Variants in FGF14 observed in about 807,000 individuals in gnomAD.
The protein encoded by FGF14 is fibroblast growth factor homologous factor 4.
FGF14 carries 5 observed loss-of-function variants against 25.5 expected under a neutral mutation model. That is an observed-to-expected ratio of 0.20 (90% CI 0.10 to 0.41). FGF14 has a LOEUF of 0.41. Among genes scored for constraint, FGF14 ranks in the 10% least tolerant of loss-of-function variants. The pLI is 1.00. For missense variants in FGF14, 222 were observed against 320.1 expected (o/e 0.69, Z 2.34); for synonymous variants, 138 against 118.3 (o/e 1.17, Z -1.08).
chr13:101,739,379 G>A (rs535499075), intron 3 of FGF14, among the ~76,000 whole-genome samples: 18 of 152,112 alleles, frequency 1.2e-4, no homozygotes, highest in African/African-American at 4.3e-4. Flanking sequence ...ACAGTCTAAT[G>A]AGAGACAAAT....
chr13:101,967,261 A>G (rs975406492), intron 1 of FGF14, among the ~76,000 whole-genome samples: 2 of 152,218 alleles, frequency 1.3e-5, no homozygotes, highest in African/African-American at 4.8e-5. Flanking sequence ...GGAGTGTTCT[A>G]TTGAGTCAGA....
intron 1 of FGF14, among the ~76,000 whole-genome samples, chr13:101,978,309 A>T (rs931750824): frequency 5.3e-5 from 8 of 152,144 alleles, no homozygotes; most frequent in African/African-American, 1.7e-4. Context: ...TTGATGTGGC[A>T]TTTTCTTGAC....
At chr13:101,955,777 A>G (rs775112456) in intron 1 of FGF14, among the ~76,000 whole-genome samples, 26 of 152,244 alleles carry the variant, frequency 1.7e-4, no homozygotes, top group Non-Finnish European at 3.2e-4. Flanking sequence ...TTGCTCCAAC[A>G]TAAAAGGGAA....
chr13:102,135,258 C>T (rs2046364520), intron 1 of FGF14, among the ~76,000 whole-genome samples: 1 of 152,062 alleles, frequency 6.6e-6, no homozygotes, highest in South Asian at 2.1e-4. Flanking sequence ...AAATGGTCTA[C>T]ACACTAGGAA....
intron 3 of FGF14, among the ~76,000 whole-genome samples, chr13:101,810,419 A>G (rs964569933): frequency 1.3e-5 from 2 of 152,224 alleles, no homozygotes; most frequent in East Asian, 1.9e-4. Context: ...CACCATTTAC[A>G]TCATGAGGAT....
At chr13:102,119,702 GCA>G (rs2045631091) in intron 1 of FGF14, among the ~76,000 whole-genome samples, 1 of 152,130 alleles carries the variant, frequency 6.6e-6, no homozygotes, top group South Asian at 2.1e-4. Context: ...GTATGTATGT[GCA>G]CACACGTGTG....
intron 1 of FGF14, among the ~76,000 whole-genome samples, chr13:102,333,274 C>T (rs1307735079): frequency 2.0e-5 from 3 of 152,158 alleles, no homozygotes; most frequent in Non-Finnish European, 4.4e-5. Flanking sequence ...TTTGAAAACA[C>T]ATCAAATGTC....
rs2034873162 is a variant in FGF14 at position 101,720,033 on chromosome 13, G to GTTGT, written c.*2794_*2797dup. The GTTGT allele has an allele frequency of 6.6e-6, 1 of 152,036 alleles. No homozygotes were observed. The highest frequency in any genetic ancestry group is 2.1e-4 in the South Asian group (1 of 4,824). 9.4% of individuals were successfully genotyped at this position (152,036 alleles called of 1,614,324 possible). A position where few individuals can be genotyped will look rare whatever the true frequency, so the allele number is the denominator to read the frequency against. On this transcript the variant is annotated 3_prime_UTR_variant, in exon 5 of 5. Coordinates refer to ENST00000376143, the MANE Select transcript of FGF14 (RefSeq NM_004115.4). ...ATGCAATGCCATTTTGTTACATAAA[G>GTTGT]TTGTTTGATGTTTTTTAATATGCCT...
intron 1 of FGF14, among the ~76,000 whole-genome samples, chr13:101,954,451 A>T (rs1038372435): frequency 3.3e-5 from 5 of 152,196 alleles, no homozygotes; most frequent in African/African-American, 1.2e-4. Context: ...TTGAAGAAAC[A>T]CGTAAAAGCA....
At chr13:101,748,865 A>C (rs371652317) in intron 3 of FGF14, among the ~76,000 whole-genome samples, 14 of 151,804 alleles carry the variant, frequency 9.2e-5, no homozygotes, top group African/African-American at 4.8e-5. Context: ...TTGCACATCC[A>C]TGTTTACAAC....
chr13:101,867,718 T>C (rs1431361450), intron 3 of FGF14, among the ~76,000 whole-genome samples: 1 of 152,122 alleles, frequency 6.6e-6, no homozygotes, highest in Non-Finnish European at 1.5e-5. Flanking sequence ...CAGTTCTCTG[T>C]GTGGGAACAC....
intron 1 of FGF14, among the ~76,000 whole-genome samples, chr13:102,177,040 C>A (rs2048479015): frequency 6.6e-6 from 1 of 152,068 alleles, no homozygotes; most frequent in African/African-American, 2.4e-5. Flanking sequence ...ATCAATCAAC[C>A]AAACAATGGT....
intron 1 of FGF14, among the ~76,000 whole-genome samples, chr13:102,119,056 T>C (rs1044553306): frequency 1.3e-5 from 2 of 152,172 alleles, no homozygotes; most frequent in Non-Finnish European, 2.9e-5. Context: ...AGGATCTTTA[T>C]AACAGGGGGA....
intron 1 of FGF14, among the ~76,000 whole-genome samples, chr13:102,026,435 T>C (rs1165985092): frequency 2.0e-5 from 3 of 151,960 alleles, no homozygotes; most frequent in Non-Finnish European, 2.9e-5. Context: ...GATATTAGAA[T>C]ATTAACTTCA....
intron 1 of FGF14, among the ~76,000 whole-genome samples, chr13:102,085,209 T>C (rs1027737891): frequency 7.5e-6 from 1 of 133,732 alleles, no homozygotes; most frequent in Non-Finnish European, 1.5e-5. Context: ...TCTTTCTCTT[T>C]CCTTTTTTCC....
At chr13:102,051,777 A>G (rs2042224653) in intron 1 of FGF14, among the ~76,000 whole-genome samples, 1 of 152,230 alleles carries the variant, frequency 6.6e-6, no homozygotes, top group South Asian at 2.1e-4. Context: ...GTCTTTCCAC[A>G]GCAAGACTAG....
intron 3 of FGF14, among the ~76,000 whole-genome samples, chr13:101,731,639 A>G (rs1200078821): frequency 6.6e-6 from 1 of 152,130 alleles, no homozygotes; most frequent in Non-Finnish European, 1.5e-5. Context: ...TGCTTGTACA[A>G]AGAGAGACTT....
intron 1 of FGF14, among the ~76,000 whole-genome samples, chr13:102,016,372 T>A (rs1390406649): frequency 6.6e-6 from 1 of 152,140 alleles, no homozygotes; most frequent in East Asian, 1.9e-4. Context: ...TTTTAAATTT[T>A]AAAAATTAAA....
At chr13:101,778,325 T>C (rs2039268580) in intron 3 of FGF14, among the ~76,000 whole-genome samples, 1 of 152,224 alleles carries the variant, frequency 6.6e-6, no homozygotes, top group Admixed American at 6.5e-5. Flanking sequence ...CTCTTCCCAG[T>C]ACAACCCACA....
Sources: allele counts gnomAD v4.1 joint callset (sites outside exome capture counted in the v4.1 genomes callset), GRCh38; gene constraint gnomAD v4.1.1; transcripts MANE v1.5; gene names NCBI Gene and HGNC (gene_info 2026-07-23, HGNC 2026-07-21).